The following STXBP2 variants were observed in gnomAD, a reference collection of about 807,000 sequenced individuals.
The protein encoded by STXBP2 is syntaxin-binding protein 2.
STXBP2 carries 47 observed loss-of-function variants against 72.2 expected under a neutral mutation model. That is an observed-to-expected ratio of 0.65 (90% confidence interval 0.51 to 0.83). The LOEUF (loss-of-function observed/expected upper bound fraction) is 0.83, where lower values mean the gene tolerates loss of function less well. STXBP2 is among the 40% of genes least tolerant of loss of function. The pLI is 0.00. For missense variants in STXBP2, 702 were observed against 807.6 expected (o/e 0.87, Z 1.58); for synonymous variants, 367 against 338.7 (o/e 1.08, Z -0.92).
rs560026431 is a variant in STXBP2, at chr19:7,647,258, G to A, written c.1538+11G>A. On this transcript the variant is annotated intron_variant, in intron 17 of 18. Transcript: ENST00000221283. ...CCAGGCCGCTGTCAGGTGAGGCCCC[G>A]GGGCCGCCCCCGCCCACGCCTGGGT... 1.4e-4 allele frequency: 225 copies of A among 1,610,374 alleles called. 1 individual carries two copies. Among genetic ancestry groups the A allele is most frequent in the Admixed American group, 5.2e-4 (31 of 59,952 alleles).
chr19:7,642,786 G>A lies in STXBP2; in HGVS notation c.923G>A (p.Arg308Lys). ...GCCAGGAAGGTCACGGAGCTCCTGA[G>A]GACCTTCTGTGAGAGCAAGAGGCTG... ...DVSKKVTELLRTFCESKRLTT... is the reference protein window; with the variant it reads ...DVSKKVTELLKTFCESKRLTT... The change falls in exon 11 of 19, where the codon AGG becomes AAG. Residue 308 changes from arginine (R) to lysine (K), a missense_variant. Coordinates refer to ENST00000221283, the MANE Select transcript of STXBP2 (RefSeq NM_006949.4). The surrounding 1 kb of genome is among the most constrained non-coding windows in gnomAD (Gnocchi z 6.0). 6.2e-7 allele frequency: 1 copy of A among 1,614,028 alleles called. No homozygotes were observed.
chr19:7,630,619 A>T, the STXBP2 span: 1 of 1,537,208 alleles, frequency 6.5e-7, no homozygotes, highest in East Asian at 2.4e-5. Context: ...TGGGTTTCCA[A>T]TCAGGCCGAG....
At chr19:7,644,787 A>T (rs777650607) in intron 14 of STXBP2, 35 bp downstream of exon 14, 2 of 1,613,020 alleles carry the variant, frequency 1.2e-6, no homozygotes, top group Non-Finnish European at 1.7e-6. Flanking sequence ...GAACGTCCCC[A>T]TTTGCCAGCG....
intron 4 of STXBP2, chr19:7,640,364 ATGCGTGTGTG>A (rs1264518041): frequency 1.5e-5 from 8 of 540,130 alleles, no homozygotes; most frequent in Admixed American, 1.2e-4. Context: ...GCATGTGTGT[ATGCGTGTGTG>A]TGCGCATCAG....
chr19:7,645,374 C>CA, intron 15 of STXBP2, 68 bp downstream of exon 15: 4 of 1,454,082 alleles, frequency 2.8e-6, no homozygotes, highest in Non-Finnish European at 3.8e-6. Flanking sequence ...CTCTGCAAGG[C>CA]AGAGGGCCAT....
At chr19:7,632,638 G>C (rs2031369758), upstream of STXBP2, 1 of 1,571,294 alleles carries the variant, frequency 6.4e-7, no homozygotes, top group South Asian at 1.1e-5. The surrounding 1 kb of genome is among the most constrained non-coding windows in gnomAD (Gnocchi z 5.2). Context: ...CGTGCCCCCA[G>C]GCCCTCCAGA....
chr19:7,646,528 A>AGC lies in STXBP2; in HGVS notation c.1452+186_1452+187dup, dbSNP rs2032145917. 2.7e-5 allele frequency: 18 copies of AGC among 676,688 alleles called. No homozygotes were observed. In the South Asian group the frequency reaches 2.8e-4, roughly 10 times the overall value. 41.9% of individuals were successfully genotyped at this position (676,688 alleles called of 1,614,324 possible). On this transcript the variant is annotated intron_variant, in intron 16 of 18. Coordinates refer to ENST00000221283, the MANE Select transcript of STXBP2 (RefSeq NM_006949.4). Reference sequence around the variant, plus strand: ...CCCGCAGCTGAGGAATTGGGGTGACAGCGGGGCCTGTGCTGGGGAGCCTCA... The same window carrying AGC: ...CCCGCAGCTGAGGAATTGGGGTGACAGCGCGGGGCCTGTGCTGGGGAGCCTCA...
chr19:7,646,719 A>G (rs1045654535), intron 16 of STXBP2: 1 of 376,406 alleles, frequency 2.7e-6, no homozygotes, highest in Non-Finnish European at 5.0e-6. Context: ...TTGTCCCTCT[A>G]AGAGCCCCGG....
Position 7,645,198 on chromosome 19 carries a change from T to C in STXBP2, c.1248T>C (p.Gly416=), listed in dbSNP as rs2032084111. 2.6e-6 allele frequency: 4 copies of C among 1,559,550 alleles called. No individual in the cohort carries two copies. Among genetic ancestry groups the C allele is most frequent in the Non-Finnish European group, 3.5e-6 (4 of 1,150,838 alleles). ...VLLLYILLRN[G]VSEENLAKLI... is the part of the protein sequence containing the mutation. ...ACCCTGCCCATTCCCGTCCCCCAGGTGTGAGTGAGGAGAACCTGGCCAAGC... is the reference window on the plus strand; with the variant it reads ...ACCCTGCCCATTCCCGTCCCCCAGGCGTGAGTGAGGAGAACCTGGCCAAGC... Residue 416 remains glycine, a splice_region_variant and synonymous_variant, in exon 15 of 19, where the codon GGT becomes GGC. Coordinates refer to ENST00000221283, the MANE Select transcript of STXBP2 (RefSeq NM_006949.4).
chr19:7,637,118 C>T lies in STXBP2; in HGVS notation c.-32C>T, dbSNP rs555749684. On this transcript the variant is annotated 5_prime_UTR_variant, in exon 1 of 19. Coordinates refer to ENST00000221283, the MANE Select transcript of STXBP2 (RefSeq NM_006949.4). ...GGCCACGCCCCCACCTTGGGACACA[C>T]CCGGAAGCGGCGGCGGCGCCCCTCG... 8.1e-7 allele frequency: 1 copy of T among 1,239,732 alleles called. No individual in the cohort carries two copies. The highest frequency in any genetic ancestry group is 1.0e-6 in the Non-Finnish European group (1 of 988,048). The allele number at this position is 1,239,732 out of a possible 1,614,324, so 76.8% of individuals were successfully genotyped here.
chr19:7,645,667 G>A (rs145090217), intron 15 of STXBP2, among the ~76,000 whole-genome samples: 11 of 151,982 alleles, frequency 7.2e-5, no homozygotes, highest in African/African-American at 2.4e-4. Flanking sequence ...AGGGTCCCCC[G>A]CACCCATCCA....
chr19:7,635,954 C>T (rs904372357), upstream of STXBP2, among the ~76,000 whole-genome samples: 3 of 152,182 alleles, frequency 2.0e-5, no homozygotes, highest in Non-Finnish European at 2.9e-5. Flanking sequence ...CTCCTCCCTT[C>T]TCTACCTGGA....
intron 1 of STXBP2, among the ~76,000 whole-genome samples, 182 bp downstream of exon 1, chr19:7,637,368 G>C (rs2031588547): frequency 6.6e-6 from 1 of 152,156 alleles, no homozygotes; most frequent in African/African-American, 2.4e-5. Context: ...CCTGCTCTCC[G>C]GTGCCAGAAC....
At chr19:7,644,894 C>A in intron 14 of STXBP2, 142 bp downstream of exon 14, 2 of 1,489,876 alleles carry the variant, frequency 1.3e-6, no homozygotes, top group Non-Finnish European at 1.8e-6. Context: ...CCTCTGGACC[C>A]GGGAACCCTC....
At position 7,642,882 on chromosome 19, in the gene STXBP2, G is replaced by A; in HGVS notation, c.960+59G>A. The A allele has an allele frequency of 6.2e-7, 1 of 1,613,518 alleles. No individual in the cohort carries two copies. Among genetic ancestry groups the A allele is most frequent in the Admixed American group, 1.7e-5 (1 of 60,018 alleles). On this transcript the variant is annotated intron_variant, in intron 11 of 18. Coordinates refer to ENST00000221283, the MANE Select transcript of STXBP2 (RefSeq NM_006949.4). The surrounding 1 kb of genome is among the most constrained non-coding windows in gnomAD (Gnocchi z 6.0). ...TGGAAGGAAGCCCCCCTCCCCATGG[G>A]CGCAGGGCCACAGCCTGGATTTCGA...
rs1289240110 is a variant in STXBP2, at chr19:7,647,430, A to G, written c.1615A>G (p.Met539Val). ...RAGPRLIVYV[M>V]GGVAMSEMRA... ...GGGCCCCCGGCTCATCGTGTATGTC[A>G]TGGGCGGTGTGGCCATGTCAGAGAT... is the stretch of plus-strand genomic sequence containing the variant. Residue 539 changes from methionine to valine, a missense_variant, in exon 18 of 19, where the codon ATG becomes GTG. By Grantham distance (21) the Met-to-Val change is conservative. Transcript: ENST00000221283. 3.7e-6 allele frequency: 6 copies of G among 1,613,462 alleles called. No homozygotes were observed. The highest frequency in any genetic ancestry group is 3.3e-5 in the South Asian group (3 of 91,076).
At chr19:7,645,739 G>A (rs1368497341) in intron 15 of STXBP2, among the ~76,000 whole-genome samples, 1 of 151,688 alleles carries the variant, frequency 6.6e-6, no homozygotes, top group Non-Finnish European at 1.5e-5. Flanking sequence ...TCTCTCTCTG[G>A]CCCTGTGCGT....
intron 18 of STXBP2, 65 bp from the exon 19 acceptor site, chr19:7,647,660 G>C: frequency 6.2e-7 from 1 of 1,603,990 alleles, no homozygotes; most frequent in Non-Finnish European, 8.5e-7. Flanking sequence ...AGCCGGGACC[G>C]GGAGCCTGTC....
the STXBP2 span, chr19:7,630,025 T>G: frequency 1.1e-4 from 62 of 584,944 alleles, no homozygotes; most frequent in East Asian, 6.0e-4. Context: ...GAGGGGACGC[T>G]GGGCTGGGGG....
Sources: allele counts gnomAD v4.1 joint callset (sites outside exome capture counted in the v4.1 genomes callset), GRCh38; gene constraint gnomAD v4.1.1; non-coding constraint Gnocchi (gnomAD v3.1); transcripts MANE v1.5; gene names NCBI Gene and HGNC (gene_info 2026-07-23, HGNC 2026-07-21).